The following MUC21 variants were observed in gnomAD, a reference collection of about 807,000 sequenced individuals.
MUC21 encodes mucin-21.
In MUC21, 8 loss-of-function variants were observed where a neutral mutation model predicts 9.1. That is an observed-to-expected ratio of 0.88 (90% confidence interval 0.52 to 1.59). The LOEUF (loss-of-function observed/expected upper bound fraction) is 1.59. MUC21 is among the 40% of genes most tolerant of loss of function. The pLI is 0.00. For missense variants in MUC21, 478 were observed against 694.2 expected, an observed-to-expected ratio of 0.69 and a Z score of 3.50; for synonymous variants, 189 against 275.2, an observed-to-expected ratio of 0.69 and a Z score of 3.10.
Position 30,987,194 on chromosome 6 carries a change from G to C in MUC21, c.1019G>C (p.Ser340Thr). The part of the protein sequence containing the change: ...ATNSESSTTS[S>T]GASTATNSES... Reference sequence around the variant, plus strand: ...AACTCTGAGTCCAGCACGACCTCCAGTGGGGCCAGCACAGCCACCAACTCT... The same window carrying C: ...AACTCTGAGTCCAGCACGACCTCCACTGGGGCCAGCACAGCCACCAACTCT... The change falls in exon 2 of 3, where the codon AGT becomes ACT. Residue 340 changes from serine to threonine, a missense_variant. Ser to Thr is a moderately conservative substitution (Grantham distance 58). Coordinates refer to ENST00000376296, the MANE Select transcript of MUC21 (RefSeq NM_001010909.5). The C allele has an allele frequency of 6.2e-7, 1 of 1,603,258 alleles. No homozygotes were observed. The highest frequency in any genetic ancestry group is 8.5e-7 in the Non-Finnish European group (1 of 1,173,862).
Sources: allele counts gnomAD v4.1 joint callset, GRCh38; gene constraint gnomAD v4.1.1; transcripts MANE v1.5; gene names NCBI Gene and HGNC (gene_info 2026-07-23, HGNC 2026-07-21).